The following AHI1 variants were observed in gnomAD, a reference collection of about 807,000 sequenced individuals.
The protein encoded by AHI1 is jouberin.
A neutral mutation model predicts 149.3 loss-of-function variants in AHI1; 123 were observed. The observed-to-expected ratio is 0.82, with a 90% CI of 0.71 to 0.96. AHI1 has a LOEUF of 0.96. Ranked by LOEUF, AHI1 falls within the 40% of genes least tolerant of loss-of-function variation. AHI1 has a pLI of 0.00. For missense variants in AHI1, 1,439 were observed against 1,422.7 expected (o/e 1.01, Z -0.18); for synonymous variants, 475 against 459.8 (o/e 1.03, Z -0.42).
intron 5 of AHI1, among the ~76,000 whole-genome samples, chr6:135,470,709 T>A (rs2128105131): frequency 1.3e-5 from 2 of 151,512 alleles, no homozygotes; most frequent in East Asian, 3.9e-4. Flanking sequence ...ACACTGCATG[T>A]TATCACTTGT....
chr6:135,446,913 A>AT, intron 13 of AHI1, 95 bp downstream of exon 13: 1 of 1,298,096 alleles, frequency 7.7e-7, no homozygotes, highest in Non-Finnish European at 1.0e-6. Flanking sequence ...AATAGCAAGC[A>AT]TTTTAAGTAG....
At chr6:135,334,667 G>A (rs1173495728) in intron 24 of AHI1, among the ~76,000 whole-genome samples, 1 of 152,108 alleles carries the variant, frequency 6.6e-6, no homozygotes, top group Non-Finnish European at 1.5e-5. Context: ...AATAAATCAA[G>A]AGAATTCTGC....
chr6:135,374,978 C>CTTAGATG (rs1775683035), intron 23 of AHI1, among the ~76,000 whole-genome samples: 1 of 152,164 alleles, frequency 6.6e-6, no homozygotes, highest in Admixed American at 6.5e-5. Context: ...GATGATGTGG[C>CTTAGATG]CCAACTGTAT....
intron 24 of AHI1, among the ~76,000 whole-genome samples, chr6:135,325,172 G>A (rs111855402): frequency 9.2e-5 from 14 of 152,006 alleles, no homozygotes; most frequent in East Asian, 5.8e-4. Context: ...GATTACAGGC[G>A]CCCACCACCG....
chr6:135,356,452 T>G (rs1792976499), intron 24 of AHI1, among the ~76,000 whole-genome samples: 1 of 152,158 alleles, frequency 6.6e-6, no homozygotes, highest in South Asian at 2.1e-4. Flanking sequence ...ATGAACAGAC[T>G]TATGATTCTA....
intron 22 of AHI1, among the ~76,000 whole-genome samples, chr6:135,396,196 G>A (rs762670479): frequency 4.6e-5 from 7 of 151,280 alleles, no homozygotes; most frequent in Non-Finnish European, 7.4e-5. Context: ...TAGTTGGGGG[G>A]GTCAAATACC....
intron 23 of AHI1, among the ~76,000 whole-genome samples, chr6:135,390,912 A>G (rs1216872213): frequency 6.6e-6 from 1 of 152,208 alleles, no homozygotes; most frequent in Admixed American, 6.5e-5. Flanking sequence ...AAAAGCATGG[A>G]AACAGTTTTG....
intron 15 of AHI1, among the ~76,000 whole-genome samples, chr6:135,434,137 CT>C (rs1392892273): frequency 6.6e-6 from 1 of 151,676 alleles, no homozygotes; most frequent in African/African-American, 2.4e-5. Context: ...TGTATTCATC[CT>C]TTTAATTACT....
At chr6:135,352,712 T>TATATAC (rs1554289086) in intron 24 of AHI1, among the ~76,000 whole-genome samples, 4 of 145,492 alleles carry the variant, frequency 2.7e-5, no homozygotes, top group South Asian at 2.2e-4. Flanking sequence ...TATATATATA[T>TATATAC]ACACACACAC....
chr6:135,494,119 T>C (rs896925989), intron 3 of AHI1, among the ~76,000 whole-genome samples: 3 of 152,212 alleles, frequency 2.0e-5, no homozygotes, highest in Admixed American at 6.5e-5. Context: ...ATAAGTAGAT[T>C]AGTAGTATCA....
chr6:135,351,680 T>C (rs1582756668), intron 24 of AHI1, among the ~76,000 whole-genome samples: 1 of 152,030 alleles, frequency 6.6e-6, no homozygotes, highest in Non-Finnish European at 1.5e-5. Flanking sequence ...AGCAGAAGGG[T>C]TTCAAATGAC....
chr6:135,451,954 G>C (rs1788186372), intron 11 of AHI1, among the ~76,000 whole-genome samples: 1 of 152,080 alleles, frequency 6.6e-6, no homozygotes, highest in Non-Finnish European at 1.5e-5. Flanking sequence ...CACTGGACCA[G>C]GTGATTGCTA....
rs187636654 is a variant in AHI1, at chr6:135,440,480, C to G, written c.1913-1982G>C. ...TATTCCTGGGTATCTAGAAGGATTCCCATCCATGTATGTGAAGGGAATATG... is the reference window on the plus strand; with the variant it reads ...TATTCCTGGGTATCTAGAAGGATTCGCATCCATGTATGTGAAGGGAATATG... On this transcript the variant is annotated intron_variant, in intron 14 of 28. Transcript: ENST00000265602. Among the ~76,000 whole-genome samples the G allele has an allele frequency of 4.4e-3, 663 of 152,188 alleles. 2 individuals are homozygous for G. The highest frequency in any genetic ancestry group is 0.024 in the Middle Eastern group (7 of 294).
intron 23 of AHI1, among the ~76,000 whole-genome samples, chr6:135,380,741 C>T (rs1370630475): frequency 8.1e-6 from 1 of 123,548 alleles, no homozygotes; most frequent in Non-Finnish European, 1.6e-5. Context: ...ACCCCCCCCC[C>T]CCCAAAAAAA....
intron 24 of AHI1, 55 bp downstream of exon 24, chr6:135,358,077 G>T: frequency 6.6e-7 from 1 of 1,504,492 alleles, no homozygotes; most frequent in Non-Finnish European, 9.2e-7. Context: ...ACTATAACCA[G>T]TATAATTTTG....
chr6:135,393,004 C>G (rs1778730188), intron 23 of AHI1, among the ~76,000 whole-genome samples: 1 of 152,040 alleles, frequency 6.6e-6, no homozygotes, highest in African/African-American at 2.4e-5. Context: ...GAAAGATACG[C>G]CTTAAAATGA....
At chr6:135,402,805 A>C (rs1041072038) in intron 22 of AHI1, among the ~76,000 whole-genome samples, 1 of 152,186 alleles carries the variant, frequency 6.6e-6, no homozygotes, top group Non-Finnish European at 1.5e-5. Context: ...TTAAGAATAT[A>C]GTATATAATA....
At position 135,433,235 on chromosome 6, in the gene AHI1, G is replaced by A; in HGVS notation, c.2058C>T (p.Asn686=). The change falls in exon 16 of 29, where the codon AAC becomes AAT. Residue 686 remains asparagine, a synonymous_variant. Coordinates refer to ENST00000265602, the MANE Select transcript of AHI1 (RefSeq NM_001134831.2). ...GTAAAACTCTGAAAGTATTTGTATT[G>A]TTTATTTCATTTTTCCATATCCTGG... ...GTARIWKNEI[N]NTNTFRVLPH... 4 of 1,606,178 alleles carry A rather than the reference G, an allele frequency of 2.5e-6. No individual in the cohort carries two copies. Among genetic ancestry groups the A allele is most frequent in the Non-Finnish European group, 3.4e-6 (4 of 1,173,494 alleles).
At chr6:135,292,583 G>C (rs1476718858) in intron 27 of AHI1, among the ~76,000 whole-genome samples, 1 of 152,112 alleles carries the variant, frequency 6.6e-6, no homozygotes, top group Non-Finnish European at 1.5e-5. Flanking sequence ...ATCCAGCAGT[G>C]AACTGATGAG....
Sources: allele counts gnomAD v4.1 joint callset (sites outside exome capture counted in the v4.1 genomes callset), GRCh38; gene constraint gnomAD v4.1.1; transcripts MANE v1.5; gene names NCBI Gene and HGNC (gene_info 2026-07-23, HGNC 2026-07-21).